The following NPY2R variants were observed in gnomAD, a reference collection of about 807,000 sequenced individuals.
NPY2R encodes the protein neuropeptide Y receptor Y2.
A neutral mutation model predicts 22.3 loss-of-function variants in NPY2R; 17 were observed. The ratio of observed to expected loss-of-function variants is 0.76; its 90% CI spans 0.52 to 1.14. The LOEUF (loss-of-function observed/expected upper bound fraction) is 1.14, where lower values mean the gene tolerates loss of function less well. Ranked by LOEUF, NPY2R falls within the 50% of genes most tolerant of loss-of-function variation. NPY2R has a pLI of 0.00. For synonymous variants in NPY2R, 209 were observed against 183.4 expected, an observed-to-expected ratio of 1.14 and a Z score of -1.13; for missense variants, 424 against 467.9, an observed-to-expected ratio of 0.91 and a Z score of 0.87.
the NPY2R span, among the ~76,000 whole-genome samples, chr4:155,191,338 A>G: frequency 6.6e-6 from 1 of 151,886 alleles, no homozygotes; most frequent in African/African-American, 2.4e-5. Context: ...AGGAGGTACA[A>G]AAGCACAGGC....
At chr4:155,202,878 G>A in the NPY2R span, among the ~76,000 whole-genome samples, 1 of 152,194 alleles carries the variant, frequency 6.6e-6, no homozygotes, top group South Asian at 2.1e-4. Context: ...AATGGTGCAT[G>A]TTTCCTCTTT....
Position 155,215,031 on chromosome 4 carries a change from G to A in NPY2R, c.1092G>A (p.Glu364=), listed in dbSNP as rs866947062. The A allele has an allele frequency of 6.2e-7, 1 of 1,613,940 alleles. No individual in the cohort carries two copies. Among genetic ancestry groups the A allele is most frequent in the Non-Finnish European group, 8.5e-7 (1 of 1,180,030 alleles). ...CATTCAAGGCTAAAAAGAACCTGGA[G>A]GTCAGAAAGAACAGTGGCCCCAATG... The part of the protein sequence containing the change: ...SVTFKAKKNL[E]VRKNSGPNDS... Residue 364 remains glutamate (E), a synonymous_variant, in exon 2 of 2, where the codon GAG becomes GAA. Transcript: ENST00000329476.
the NPY2R span, among the ~76,000 whole-genome samples, chr4:155,193,088 G>A: frequency 2.0e-5 from 3 of 152,018 alleles, no homozygotes; most frequent in Non-Finnish European, 4.4e-5. Flanking sequence ...AAACTGACGA[G>A]TAGAGGAAGG....
At chr4:155,210,669 G>T (rs886835130) in intron 1 of NPY2R, among the ~76,000 whole-genome samples, 16 of 152,142 alleles carry the variant, frequency 1.1e-4, no homozygotes, top group African/African-American at 2.7e-4. Flanking sequence ...TGTGAAAAGA[G>T]GCTGGGGCTC....
In NPY2R at chr4:155,214,902, T is replaced by A; in HGVS notation, c.963T>A (p.Asn321Lys). Residue 321 changes from asparagine to lysine, a missense_variant, in exon 2 of 2, where the codon AAT becomes AAA. By Grantham distance (94) the Asn-to-Lys change is moderately conservative. Coordinates refer to ENST00000329476, the MANE Select transcript of NPY2R (RefSeq NM_000910.4). The stretch of plus-strand genomic sequence containing the variant: ...TCGCCATGTGCTCCACTTTTGCCAA[T>A]CCCCTTCTCTATGGCTGGATGAACA... ...HIIAMCSTFA[N>K]PLLYGWMNSN... is the part of the protein sequence containing the mutation. 2 of 1,613,154 alleles carry A rather than the reference T, an allele frequency of 1.2e-6. No homozygotes were observed. Among genetic ancestry groups the A allele is most frequent in the Non-Finnish European group, 1.7e-6 (2 of 1,179,328 alleles).
Position 155,215,057 on chromosome 4 carries a change from A to T in NPY2R, c.1118A>T (p.Asp373Val). 6.2e-7 allele frequency: 1 copy of T among 1,613,246 alleles called. No individual in the cohort carries two copies. Among genetic ancestry groups the T allele is most frequent in the Non-Finnish European group, 8.5e-7 (1 of 1,180,014 alleles). ...LEVRKNSGPN[D>V]SFTEATNV is the part of the protein sequence containing the mutation. ...GTCAGAAAGAACAGTGGCCCCAATG[A>T]CTCTTTCACAGAGGCTACCAATGTC... The change falls in exon 2 of 2, where the codon GAC (aspartate) becomes GTC (valine). Residue 373 changes from aspartate to valine, a missense_variant. Coordinates refer to ENST00000329476, the MANE Select transcript of NPY2R (RefSeq NM_000910.4).
chr4:155,195,607 T>C, the NPY2R span, among the ~76,000 whole-genome samples: 1 of 152,084 alleles, frequency 6.6e-6, no homozygotes, highest in Non-Finnish European at 1.5e-5. Flanking sequence ...ATTCCATCTA[T>C]TAATATTACC....
the NPY2R span, among the ~76,000 whole-genome samples, chr4:155,194,339 C>T: frequency 4.7e-5 from 7 of 150,010 alleles, no homozygotes; most frequent in African/African-American, 7.3e-5. Context: ...CCAATGATTT[C>T]GTCACCCAGG....
chr4:155,180,515 A>G, the NPY2R span, among the ~76,000 whole-genome samples: 64,581 of 151,904 alleles, frequency 0.43, 14,151 homozygotes, highest in East Asian at 0.69. Flanking sequence ...AGTTGACAAG[A>G]TAATTTTTAC....
chr4:155,179,851 G>A, the NPY2R span, among the ~76,000 whole-genome samples: 7 of 149,914 alleles, frequency 4.7e-5, no homozygotes, highest in South Asian at 1.6e-3. Context: ...AATAAGACCA[G>A]TGGAAGAATC....
upstream of NPY2R, chr4:155,207,579 A>G (rs370187669): frequency 7.9e-5 from 12 of 152,398 alleles, no homozygotes; most frequent in African/African-American, 2.9e-4. Flanking sequence ...TTTTAGAAGG[A>G]ATGGCTTCGA....
At chr4:155,197,712 T>C in the NPY2R span, among the ~76,000 whole-genome samples, 2 of 151,980 alleles carry the variant, frequency 1.3e-5, no homozygotes, top group African/African-American at 2.4e-5. Flanking sequence ...CTAAATTAAA[T>C]GGTTTCTCCA....
chr4:155,192,183 A>G, the NPY2R span, among the ~76,000 whole-genome samples: 2 of 148,096 alleles, frequency 1.4e-5, no homozygotes, highest in African/African-American at 5.1e-5. Context: ...GGATTATTAT[A>G]GTGTTCAAGA....
In NPY2R at chr4:155,214,978, G is replaced by A. The variant is rs1335046465; in HGVS notation, c.1039G>A (p.Asp347Asn). The change falls in exon 2 of 2, where the codon GAT (aspartate) becomes AAT (asparagine). Residue 347 changes from aspartate (D) to asparagine (N), a missense_variant. Physicochemically the swap from Asp to Asn is conservative, Grantham distance 23. Transcript: ENST00000329476. ...LSAFRCEQRLDAIHSEVSVTF... is the reference protein window; with the variant it reads ...LSAFRCEQRLNAIHSEVSVTF... The stretch of plus-strand genomic sequence containing the variant: ...GGCCTTCCGCTGTGAGCAGCGGTTG[G>A]ATGCCATTCACTCTGAGGTGTCCGT... The A allele has an allele frequency of 6.2e-7, 1 of 1,614,232 alleles. No individual in the cohort carries two copies. The highest frequency in any genetic ancestry group is 1.1e-5 in the South Asian group (1 of 91,086).
upstream of NPY2R, among the ~76,000 whole-genome samples, chr4:155,205,819 A>G (rs1029584106): frequency 6.6e-6 from 1 of 151,592 alleles, no homozygotes; most frequent in Non-Finnish European, 1.5e-5. Context: ...CTATCTATCT[A>G]TCTATCTATC....
At position 155,208,695 on chromosome 4, in the gene NPY2R, C is replaced by G. The variant is rs1335928994; in HGVS notation, c.-423C>G. The G allele has an allele frequency of 6.5e-6, 1 of 153,114 alleles. No individual in the cohort carries two copies. The highest frequency in any genetic ancestry group is 1.5e-5 in the Non-Finnish European group (1 of 68,840). 9.5% of individuals were successfully genotyped at this position (153,114 alleles called of 1,614,324 possible). A position where few individuals can be genotyped will look rare whatever the true frequency, so the allele number is the denominator to read the frequency against. On this transcript the variant is annotated 5_prime_UTR_variant, in exon 1 of 2. Transcript: ENST00000329476. The surrounding 1 kb of genome is among the most constrained non-coding windows in gnomAD (Gnocchi z 5.6). ...ACCAAAACTTCTCCTCCAGTCCCCT[C>G]CCCTGCAGGACCATCGCCCGCAGCC...
the NPY2R span, among the ~76,000 whole-genome samples, chr4:155,201,956 A>G: frequency 0.018 from 2,792 of 152,222 alleles, 42 homozygotes; most frequent in Non-Finnish European, 0.028. Context: ...ACTTTGAACC[A>G]GCTTTGTTGT....
At chr4:155,182,810 T>G in the NPY2R span, among the ~76,000 whole-genome samples, 1 of 152,162 alleles carries the variant, frequency 6.6e-6, no homozygotes, top group Non-Finnish European at 1.5e-5. Flanking sequence ...GTTTGTTTTT[T>G]GAGATGGAGT....
the NPY2R span, among the ~76,000 whole-genome samples, chr4:155,174,484 A>ATATATATATATATATAT: frequency 3.0e-3 from 319 of 106,022 alleles, 3 homozygotes; most frequent in Middle Eastern, 4.4e-3. Flanking sequence ...ATATATATAT[A>ATATATATATATATATAT]TTTTTTTTTT....
Sources: gnomAD v4.1 joint callset for allele counts (sites outside exome capture counted in the v4.1 genomes callset) on GRCh38, gnomAD v4.1.1 for gene constraint, Gnocchi (gnomAD v3.1) non-coding constraint, MANE v1.5 for transcripts, NCBI Gene and HGNC (gene_info 2026-07-23, HGNC 2026-07-21) for gene names.